Variants in AKAP6 observed in about 807,000 individuals in gnomAD.
AKAP6 encodes A-kinase anchoring protein 6.
A neutral mutation model predicts 188.5 loss-of-function variants in AKAP6; 58 were observed. The ratio of observed to expected loss-of-function variants is 0.31; its 90% CI spans 0.25 to 0.38. The LOEUF (loss-of-function observed/expected upper bound fraction) is 0.38. Among genes scored for constraint, AKAP6 ranks in the 10% least tolerant of loss-of-function variants. The probability of loss-of-function intolerance (pLI) is 1.00; values close to 1 mark genes in which losing one functional copy is unlikely to be tolerated. For synonymous variants in AKAP6, 989 were observed against 998.6 expected (o/e 0.99, Z 0.18); for missense variants, 2,710 against 2,740.0 (o/e 0.99, Z 0.24).
intron 3 of AKAP6, among the ~76,000 whole-genome samples, chr14:32,542,914 A>AT (rs1447582382): frequency 6.6e-6 from 1 of 152,102 alleles, no homozygotes; most frequent in Admixed American, 6.5e-5. Context: ...TGTTTTTATT[A>AT]TTTTTAATTG....
At chr14:32,786,212 G>A (rs146015346) in intron 12 of AKAP6, among the ~76,000 whole-genome samples, 123 of 150,374 alleles carry the variant, frequency 8.2e-4, no homozygotes, top group Admixed American at 1.5e-3. Context: ...TTTCATGTTC[G>A]CTCTGAGGAC....
At chr14:32,467,857 A>AT (rs1378187305) in intron 2 of AKAP6, among the ~76,000 whole-genome samples, 4 of 151,928 alleles carry the variant, frequency 2.6e-5, no homozygotes, top group Admixed American at 6.6e-5. Context: ...TTCTTTTGCC[A>AT]TTACATGTTA....
At chr14:32,371,688 G>T (rs551595317) in intron 1 of AKAP6, among the ~76,000 whole-genome samples, 1 of 152,174 alleles carries the variant, frequency 6.6e-6, no homozygotes, top group Non-Finnish European at 1.5e-5. Context: ...GGTGAGAAAA[G>T]CTTCATGAAA....
At chr14:32,439,202 T>G (rs1180544933) in intron 2 of AKAP6, among the ~76,000 whole-genome samples, 1 of 152,188 alleles carries the variant, frequency 6.6e-6, no homozygotes, top group Non-Finnish European at 1.5e-5. Flanking sequence ...CTGAAGTTAA[T>G]GCACATACCC....
chr14:32,610,769 A>G (rs563684664), intron 7 of AKAP6, among the ~76,000 whole-genome samples: 7 of 152,346 alleles, frequency 4.6e-5, no homozygotes, highest in African/African-American at 1.7e-4. Flanking sequence ...TATGAGGGAC[A>G]TCGAAAGTGA....
At chr14:32,567,880 G>T (rs1884272296) in intron 4 of AKAP6, among the ~76,000 whole-genome samples, 1 of 152,072 alleles carries the variant, frequency 6.6e-6, no homozygotes, top group Non-Finnish European at 1.5e-5. Context: ...ATTAGCCCTA[G>T]CAAGGCTGGA....
intron 2 of AKAP6, among the ~76,000 whole-genome samples, chr14:32,519,593 CAAAG>C (rs757412496): frequency 2.1e-4 from 32 of 152,142 alleles, no homozygotes; most frequent in African/African-American, 7.7e-4. Context: ...TCAAAAGACA[CAAAG>C]AAGGCCATTA....
intron 3 of AKAP6, among the ~76,000 whole-genome samples, chr14:32,540,166 C>A (rs36103926): frequency 0.063 from 5,411 of 85,992 alleles, 164 homozygotes; most frequent in African/African-American, 0.096. Flanking sequence ...CTCTCTCTCT[C>A]TCTATATATA....
At chr14:32,680,290 T>C (rs977519441) in intron 8 of AKAP6, among the ~76,000 whole-genome samples, 5 of 152,214 alleles carry the variant, frequency 3.3e-5, no homozygotes, top group Non-Finnish European at 7.3e-5. Flanking sequence ...TACTCCTTTC[T>C]ATTTTCTGTT....
chr14:32,592,649 G>A (rs182611099), intron 5 of AKAP6, among the ~76,000 whole-genome samples: 2 of 152,238 alleles, frequency 1.3e-5, no homozygotes, highest in East Asian at 1.9e-4. Context: ...CTCTACCCTG[G>A]CAAGCCATTG....
chr14:32,478,541 C>G (rs754661258), intron 2 of AKAP6, among the ~76,000 whole-genome samples: 10 of 151,940 alleles, frequency 6.6e-5, no homozygotes, highest in Non-Finnish European at 1.2e-4. Flanking sequence ...GAGGAGACCT[C>G]TACCATAAAA....
intron 13 of AKAP6, among the ~76,000 whole-genome samples, chr14:32,827,366 A>G (rs1261787798): frequency 2.0e-5 from 3 of 150,952 alleles, no homozygotes; most frequent in Non-Finnish European, 4.4e-5. Context: ...TTTTTTTTCC[A>G]GAACTAAGTT....
chr14:32,527,786 T>C (rs1382295024), intron 2 of AKAP6, among the ~76,000 whole-genome samples: 1 of 152,222 alleles, frequency 6.6e-6, no homozygotes, highest in African/African-American at 2.4e-5. Context: ...TTTGGACTGT[T>C]TTTTAATTGG....
At chr14:32,690,720 A>G (rs935122437) in intron 8 of AKAP6, among the ~76,000 whole-genome samples, 1 of 152,192 alleles carries the variant, frequency 6.6e-6, no homozygotes, top group Non-Finnish European at 1.5e-5. Flanking sequence ...TGCTTAAACT[A>G]TAAAACAAAT....
intron 7 of AKAP6, among the ~76,000 whole-genome samples, chr14:32,642,168 T>G (rs1204598257): frequency 1.3e-5 from 2 of 152,204 alleles, no homozygotes; most frequent in African/African-American, 2.4e-5. Flanking sequence ...ATCTTGTTAT[T>G]GTTGTTATAC....
chr14:32,499,464 G>A (rs1880496300), intron 2 of AKAP6, among the ~76,000 whole-genome samples: 1 of 151,696 alleles, frequency 6.6e-6, no homozygotes, highest in Non-Finnish European at 1.5e-5. Flanking sequence ...TAGGAAAGTT[G>A]TTCTGCTCCC....
At chr14:32,729,274 CAAAA>C (rs933279096) in intron 9 of AKAP6, among the ~76,000 whole-genome samples, 2 of 149,794 alleles carry the variant, frequency 1.3e-5, no homozygotes, top group African/African-American at 4.9e-5. Flanking sequence ...TGATTTCTAA[CAAAA>C]AAAAAGGAGG....
At chr14:32,366,165 C>T (rs1031261650) in intron 1 of AKAP6, among the ~76,000 whole-genome samples, 1 of 152,170 alleles carries the variant, frequency 6.6e-6, no homozygotes, top group Non-Finnish European at 1.5e-5. Flanking sequence ...TTTGCACCCC[C>T]TCCATGAAGA....
In AKAP6 at chr14:32,410,288, C is replaced by G. The variant is rs141974500; in HGVS notation, c.-34-23172C>G. The stretch of plus-strand genomic sequence containing the variant: ...TTTCCTCTGCACAATAAAACTTGGT[C>G]TCCATACCCCTTTATCTTAACCCAA... On this transcript the variant is annotated intron_variant, in intron 1 of 13. Transcript: ENST00000280979. Among the ~76,000 whole-genome samples the G allele has an allele frequency of 2.1e-4, 32 of 152,250 alleles. 2 individuals carry two copies. In the East Asian group the frequency reaches 6.0e-3, roughly 28 times the overall value.
Sources: gnomAD v4.1 joint callset for allele counts (sites outside exome capture counted in the v4.1 genomes callset) on GRCh38, gnomAD v4.1.1 for gene constraint, MANE v1.5 for transcripts, NCBI Gene and HGNC (gene_info 2026-07-23, HGNC 2026-07-21) for gene names.